Variants in PTPRG observed in about 807,000 individuals in gnomAD.
PTPRG encodes the protein protein tyrosine phosphatase receptor type G, also known as receptor-type tyrosine-protein phosphatase gamma.
Under a neutral mutation model 165.3 loss-of-function variants are expected in PTPRG, and 102 were observed. The observed-to-expected ratio is 0.62, with a 90% CI of 0.53 to 0.73. The LOEUF (loss-of-function observed/expected upper bound fraction) is 0.73, where lower values mean the gene tolerates loss of function less well. PTPRG is among the 30% of genes least tolerant of loss of function. PTPRG has a pLI of 0.00. For missense variants in PTPRG, 1,866 were observed against 1,861.4 expected (o/e 1.00, Z -0.05); for synonymous variants, 675 against 669.5 (o/e 1.01, Z -0.13).
At chr3:61,601,523 TTTG>T (rs1232989016) in intron 1 of PTPRG, among the ~76,000 whole-genome samples, 1 of 152,228 alleles carries the variant, frequency 6.6e-6, no homozygotes, top group African/African-American at 2.4e-5. Flanking sequence ...GGTGTATTCT[TTTG>T]TTCACTTATT....
intron 1 of PTPRG, among the ~76,000 whole-genome samples, chr3:61,565,482 C>T (rs1431600070): frequency 6.6e-6 from 1 of 152,114 alleles, no homozygotes; most frequent in African/African-American, 2.4e-5. Flanking sequence ...GCAAATCCTA[C>T]ACATAGTTCA....
chr3:62,047,763 C>G (rs532987632), intron 4 of PTPRG, among the ~76,000 whole-genome samples: 2 of 152,298 alleles, frequency 1.3e-5, no homozygotes, highest in South Asian at 4.1e-4. Context: ...AGGACCCCTT[C>G]GTCCTAGATA....
chr3:61,910,694 T>A (rs974062550), intron 2 of PTPRG, among the ~76,000 whole-genome samples: 1 of 152,180 alleles, frequency 6.6e-6, no homozygotes, highest in Non-Finnish European at 1.5e-5. Context: ...GAATTTCTTT[T>A]TGTCTTTTAA....
chr3:61,596,682 C>T (rs1404929839), intron 1 of PTPRG, among the ~76,000 whole-genome samples: 1 of 151,998 alleles, frequency 6.6e-6, no homozygotes, highest in East Asian at 1.9e-4. Flanking sequence ...CCCAGGTCTC[C>T]TCTTTGCTAG....
At chr3:61,704,883 G>GC (rs1433445739) in intron 1 of PTPRG, among the ~76,000 whole-genome samples, 5 of 152,164 alleles carry the variant, frequency 3.3e-5, no homozygotes, top group African/African-American at 1.2e-4. Context: ...CTTCTGCCTG[G>GC]CCCCCGCCCC....
At chr3:61,803,192 A>C (rs2035299878) in intron 2 of PTPRG, among the ~76,000 whole-genome samples, 1 of 152,190 alleles carries the variant, frequency 6.6e-6, no homozygotes, top group Admixed American at 6.5e-5. Context: ...ATGTAATTTA[A>C]AATTTTCTAG....
intron 3 of PTPRG, among the ~76,000 whole-genome samples, chr3:61,993,282 A>C (rs2040941475): frequency 6.6e-6 from 1 of 151,210 alleles, no homozygotes; most frequent in African/African-American, 2.4e-5. Context: ...CAATGGTGTG[A>C]TCTCAGCTCA....
intron 2 of PTPRG, among the ~76,000 whole-genome samples, chr3:61,880,517 G>A (rs1452908624): frequency 2.0e-5 from 3 of 151,884 alleles, no homozygotes; most frequent in Admixed American, 1.3e-4. Context: ...CTACTTGTTG[G>A]GGGCGCTGAG....
chr3:61,933,155 G>T (rs1211863638), intron 2 of PTPRG, among the ~76,000 whole-genome samples: 5 of 152,100 alleles, frequency 3.3e-5, no homozygotes, highest in Non-Finnish European at 7.4e-5. Flanking sequence ...AAGACAGTAG[G>T]AAATAGTGGA....
chr3:61,624,431 G>A (rs868150530), intron 1 of PTPRG, among the ~76,000 whole-genome samples: 2 of 152,158 alleles, frequency 1.3e-5, no homozygotes, highest in South Asian at 2.1e-4. Context: ...GTGAGAAGAA[G>A]TATGCTCTTT....
At chr3:62,215,546 A>ACCCCCCCCCC (rs35317755) in intron 12 of PTPRG, among the ~76,000 whole-genome samples, 5 of 63,758 alleles carry the variant, frequency 7.8e-5, no homozygotes, top group African/African-American at 2.6e-4. Context: ...CCCTACGGGA[A>ACCCCCCCCCC]CCCCCCCCCC....
chr3:61,602,258 C>CA, intron 1 of PTPRG, among the ~76,000 whole-genome samples: 1 of 152,028 alleles, frequency 6.6e-6, no homozygotes, highest in East Asian at 1.9e-4. Context: ...TGGGTTTCCA[C>CA]AGTGTCTCGT....
intron 1 of PTPRG, among the ~76,000 whole-genome samples, chr3:61,645,601 G>T (rs545285834): frequency 1.1e-4 from 17 of 152,314 alleles, no homozygotes; most frequent in African/African-American, 3.8e-4. Flanking sequence ...CCTTAACGGG[G>T]CTAGTTCCTG....
intron 1 of PTPRG, among the ~76,000 whole-genome samples, chr3:61,717,190 T>C (rs911394134): frequency 1.3e-5 from 2 of 152,192 alleles, no homozygotes; most frequent in African/African-American, 4.8e-5. Context: ...TTCTGCCTTG[T>C]GTGGTTAGTC....
intron 4 of PTPRG, among the ~76,000 whole-genome samples, chr3:62,031,665 A>G (rs988505980): frequency 3.9e-5 from 6 of 152,208 alleles, no homozygotes; most frequent in Non-Finnish European, 5.9e-5. Context: ...TCTTAAAGTA[A>G]TACAGCTAAG....
In PTPRG at chr3:61,562,190, G is replaced by A. The variant is rs2106745619; in HGVS notation, c.-98G>A. On this transcript the variant is annotated 5_prime_UTR_variant, in exon 1 of 30. Coordinates refer to ENST00000474889, the MANE Select transcript of PTPRG (RefSeq NM_002841.4). ...GGGGGCCCGTGGAGCGGGCGAGCCG[G>A]GGAAGCGCCCCGGCTTAGCGGAGGC... 2.6e-6 allele frequency: 3 copies of A among 1,164,108 alleles called. No individual in the cohort carries two copies. The highest frequency in any genetic ancestry group is 1.5e-5 in the African/African-American group (1 of 65,842). The allele number at this position is 1,164,108 out of a possible 1,614,324, so 72.1% of individuals were successfully genotyped here.
chr3:61,562,053 G>A lies in PTPRG; in HGVS notation c.-235G>A, dbSNP rs1192550434. On this transcript the variant is annotated 5_prime_UTR_variant, in exon 1 of 30. Transcript: ENST00000474889. ...TTTAAACGGAAAGCAGCCTTTCTCCGCCGAGAGGATCGTCCCCAGCGTGGC... is the reference window on the plus strand; with the variant it reads ...TTTAAACGGAAAGCAGCCTTTCTCCACCGAGAGGATCGTCCCCAGCGTGGC... 2 of 533,814 alleles carry A rather than the reference G, an allele frequency of 3.7e-6. No individual in the cohort carries two copies. The highest frequency in any genetic ancestry group is 2.4e-5 in the South Asian group (1 of 41,586). The allele number at this position is 533,814 out of a possible 1,614,324, so 33.1% of individuals were successfully genotyped here.
intron 1 of PTPRG, among the ~76,000 whole-genome samples, chr3:61,709,527 C>T (rs963074831): frequency 6.6e-6 from 1 of 152,094 alleles, no homozygotes; most frequent in Non-Finnish European, 1.5e-5. Flanking sequence ...GTTGGCCAGG[C>T]TGGTCTCAAA....
intron 6 of PTPRG, among the ~76,000 whole-genome samples, chr3:62,141,663 G>T (rs922970178): frequency 4.6e-5 from 7 of 151,898 alleles, no homozygotes; most frequent in South Asian, 2.1e-4. Context: ...ATTGTGGGGG[G>T]ACGAGGCTGG....
Sources: gnomAD v4.1 joint callset for allele counts (sites outside exome capture counted in the v4.1 genomes callset) on GRCh38, gnomAD v4.1.1 for gene constraint, MANE v1.5 for transcripts, NCBI Gene and HGNC (gene_info 2026-07-23, HGNC 2026-07-21) for gene names.